Variants in LSP1 observed in about 807,000 individuals in gnomAD.
LSP1 encodes the protein lymphocyte-specific protein 1.
Under a neutral mutation model 49.3 loss-of-function variants are expected in LSP1, and 32 were observed. The observed-to-expected ratio is 0.65, with a 90% CI of 0.49 to 0.87. LSP1 has a LOEUF of 0.87. LSP1 is among the 40% of genes least tolerant of loss of function. The probability of loss-of-function intolerance (pLI) is 0.00; values close to 1 mark genes in which losing one functional copy is unlikely to be tolerated. For missense variants in LSP1, 428 were observed against 442.6 expected (o/e 0.97, Z 0.30); for synonymous variants, 179 against 178.8 (o/e 1.00, Z -0.01).
intron 10 of LSP1, chr11:1,890,342 C>A (rs866562938): frequency 8.4e-6 from 6 of 714,854 alleles, no homozygotes; most frequent in Admixed American, 4.0e-5. Flanking sequence ...CAGCAGCGTG[C>A]GGGGCTGTGA....
chr11:1,863,742 C>T (rs1481903603), intron 1 of LSP1: 1 of 152,278 alleles, frequency 6.6e-6, no homozygotes, highest in East Asian at 1.9e-4. Flanking sequence ...CCTCCCTGGG[C>T]CAGGGCCAGA....
intron 1 of LSP1, among the ~76,000 whole-genome samples, chr11:1,861,671 ATGGG>A: frequency 6.7e-6 from 1 of 149,626 alleles, no homozygotes; most frequent in East Asian, 2.0e-4. Flanking sequence ...GGATGGATAG[ATGGG>A]TGGATGGGTG....
At chr11:1,854,569 G>A (rs564234608) in intron 1 of LSP1, among the ~76,000 whole-genome samples, 4 of 152,162 alleles carry the variant, frequency 2.6e-5, no homozygotes, top group African/African-American at 7.2e-5. Context: ...GTACAGGTGC[G>A]GGGGGCCACT....
chr11:1,884,382 G>T lies in LSP1; in HGVS notation c.635+59G>T, dbSNP rs947134024. On this transcript the variant is annotated intron_variant, in intron 6 of 10. Coordinates refer to ENST00000311604, the MANE Select transcript of LSP1 (RefSeq NM_002339.3). This position sits in a 1 kb window ranked among gnomAD's most constrained non-coding sequence, Gnocchi z 4.1. ...AGATCTTAGGTTTAACCAAGTGGGG[G>T]TTGAAGGGAGTCACAAGGTAGAGAT... is the stretch of plus-strand genomic sequence containing the variant. 13 of 1,611,434 alleles carry T rather than the reference G, an allele frequency of 8.1e-6. No homozygotes were observed. In the African/African-American group the frequency reaches 1.6e-4, roughly 20 times the overall value.
intron 2 of LSP1, 69 bp from the exon 3 acceptor site, chr11:1,881,363 G>A: frequency 1.4e-6 from 2 of 1,440,000 alleles, no homozygotes; most frequent in South Asian, 1.4e-5. Flanking sequence ...GGCGCCGTGA[G>A]GTGAGTGTGG....
At chr11:1,867,111 A>G (rs12801875) in intron 1 of LSP1, among the ~76,000 whole-genome samples, 117,175 of 151,992 alleles carry the variant, frequency 0.77, 46,046 homozygotes, top group South Asian at 0.92. Flanking sequence ...GGAGACAGTG[A>G]GGAGGGGACC....
intron 1 of LSP1, among the ~76,000 whole-genome samples, chr11:1,853,964 A>G (rs1185498376): frequency 3.9e-5 from 6 of 152,154 alleles, no homozygotes; most frequent in African/African-American, 1.4e-4. Flanking sequence ...GCGGCTTAGT[A>G]ACTGGGCTCC....
At chr11:1,867,995 G>T (rs893183823) in intron 1 of LSP1, among the ~76,000 whole-genome samples, 11 of 152,316 alleles carry the variant, frequency 7.2e-5, no homozygotes, top group African/African-American at 2.4e-4. Flanking sequence ...TACCCCCAAT[G>T]CCTCCCTGCC....
rs1462584720 is a variant in LSP1 at position 1,872,021 on chromosome 11, G to A, written c.54-8066G>A. Reference sequence around the variant, plus strand: ...GCTGGTGTTGGCACCTTTGGGACGGGGTGTGTGTGGCAGGCAGGCCTGGGC... The same window carrying A: ...GCTGGTGTTGGCACCTTTGGGACGGAGTGTGTGTGGCAGGCAGGCCTGGGC... On this transcript the variant is annotated intron_variant, in intron 1 of 10. Transcript: ENST00000311604. Among the ~76,000 whole-genome samples, 3 of 146,804 alleles carry A rather than the reference G, an allele frequency of 2.0e-5. No homozygotes were observed. In the East Asian group the frequency reaches 6.2e-4, roughly 30 times the overall value.
intron 7 of LSP1, 79 bp from the exon 8 acceptor site, chr11:1,886,653 C>T (rs988189429): frequency 3.1e-5 from 45 of 1,444,818 alleles, no homozygotes; most frequent in South Asian, 2.1e-4. Context: ...ACAAAGCAGA[C>T]GGTTGCCCAG....
intron 10 of LSP1, chr11:1,890,002 CA>C (rs1565091483): frequency 1.5e-6 from 1 of 661,174 alleles, no homozygotes; most frequent in East Asian, 2.7e-5. Context: ...CTGGGAGGCT[CA>C]GGGGTCCCAT....
intron 1 of LSP1, among the ~76,000 whole-genome samples, chr11:1,873,929 G>C (rs1378274356): frequency 3.8e-5 from 5 of 132,688 alleles, no homozygotes; most frequent in Non-Finnish European, 3.2e-5. Context: ...GAGGAGGGAG[G>C]CCGGCAGAGG....
rs75704784 is a variant in LSP1, at chr11:1,885,669, T to A, written c.718-1063T>A. On this transcript the variant is annotated intron_variant, in intron 7 of 10. Coordinates refer to ENST00000311604, the MANE Select transcript of LSP1 (RefSeq NM_002339.3). ...TCTCCATCTAACCAGTATCCTTCCA[T>A]CCAACCAACACTCTACTAAATCAGT... is the stretch of plus-strand genomic sequence containing the variant. Among the ~76,000 whole-genome samples, 273 of 151,390 alleles carry A rather than the reference T, an allele frequency of 1.8e-3. 6 individuals are homozygous for A. The East Asian group carries it at 0.052, about 29-fold the overall frequency.
chr11:1,869,050 A>G, intron 1 of LSP1: 1 of 975,332 alleles, frequency 1.0e-6, no homozygotes, highest in Non-Finnish European at 1.2e-6. Flanking sequence ...TGCAAGTGGG[A>G]GCTTGTGGGA....
chr11:1,887,694 G>A (rs1848815864), intron 10 of LSP1, 118 bp downstream of exon 10: 3 of 722,190 alleles, frequency 4.2e-6, no homozygotes, highest in Non-Finnish European at 6.9e-6. Context: ...TGGACTCCGA[G>A]TTGGCCAGAA....
intron 1 of LSP1, among the ~76,000 whole-genome samples, chr11:1,867,846 C>T (rs138800260): frequency 0.013 from 2,004 of 150,374 alleles, 11 homozygotes; most frequent in Non-Finnish European, 0.021. Context: ...CCTGCCCCAG[C>T]GATTCTCCTT....
intron 1 of LSP1, chr11:1,870,253 T>G: frequency 1.5e-6 from 2 of 1,302,984 alleles, no homozygotes; most frequent in Non-Finnish European, 2.0e-6. Context: ...CATACCCCAT[T>G]TTGCAAACAG....
At chr11:1,882,835 TCTC>T (rs1459868920) in intron 3 of LSP1, among the ~76,000 whole-genome samples, 1 of 152,036 alleles carries the variant, frequency 6.6e-6, no homozygotes, top group Non-Finnish European at 1.5e-5. Flanking sequence ...TTTCCCATCT[TCTC>T]CTCCAGGTTC....
In LSP1 at chr11:1,880,364, G is replaced by A. The variant is rs547972876; in HGVS notation, c.191+140G>A. On this transcript the variant is annotated intron_variant, in intron 2 of 10. Coordinates refer to ENST00000311604, the MANE Select transcript of LSP1 (RefSeq NM_002339.3). ...CGAGGAAGGGCCCCCAGGAGCAGGC[G>A]TGGGAGTGGGTGAGTGCTCCTGGGG... The A allele has an allele frequency of 3.0e-4, 321 of 1,059,326 alleles. No individual in the cohort carries two copies. In the African/African-American group the frequency reaches 4.8e-3, roughly 16 times the overall value. 65.6% of individuals were successfully genotyped at this position (1,059,326 alleles called of 1,614,324 possible).
Sources: allele counts gnomAD v4.1 joint callset (sites outside exome capture counted in the v4.1 genomes callset), GRCh38; gene constraint gnomAD v4.1.1; non-coding constraint Gnocchi (gnomAD v3.1); transcripts MANE v1.5; gene names NCBI Gene and HGNC (gene_info 2026-07-23, HGNC 2026-07-21).